Variants in PDGFD observed in about 807,000 individuals in gnomAD.
PDGFD encodes the protein platelet derived growth factor D.
In PDGFD, 30 loss-of-function variants were observed where a neutral mutation model predicts 44.7. The ratio of observed to expected loss-of-function variants is 0.67; its 90% CI spans 0.50 to 0.91. The LOEUF is 0.91. Among genes scored for constraint, PDGFD ranks in the 40% least tolerant of loss-of-function variants. The pLI is 0.00. For missense variants in PDGFD, 445 were observed against 457.8 expected (o/e 0.97, Z 0.25); for synonymous variants, 173 against 168.4 (o/e 1.03, Z -0.21).
intron 1 of PDGFD, among the ~76,000 whole-genome samples, chr11:104,159,870 C>T (rs112781981): frequency 1.8e-3 from 272 of 152,266 alleles, no homozygotes; most frequent in African/African-American, 5.9e-3. Flanking sequence ...CCTGGCTAAA[C>T]CCTGCTCTTT....
intron 1 of PDGFD, among the ~76,000 whole-genome samples, chr11:104,121,388 C>A (rs542850314): frequency 1.3e-5 from 2 of 152,016 alleles, no homozygotes; most frequent in East Asian, 3.9e-4. Flanking sequence ...AGAAGTGTAT[C>A]GTTTATCCAG....
chr11:103,949,519 C>T (rs1426737206), intron 3 of PDGFD, among the ~76,000 whole-genome samples: 2 of 152,158 alleles, frequency 1.3e-5, no homozygotes, highest in Non-Finnish European at 2.9e-5. Context: ...TTCTCCATTC[C>T]TTGATGAGAC....
intron 1 of PDGFD, among the ~76,000 whole-genome samples, chr11:104,153,329 C>T (rs545640327): frequency 1.3e-4 from 20 of 152,292 alleles, no homozygotes; most frequent in African/African-American, 4.8e-4. Flanking sequence ...CCTCATTGAG[C>T]TTCTCCAATG....
chr11:104,007,102 G>C (rs989961676), intron 1 of PDGFD, among the ~76,000 whole-genome samples: 4 of 152,198 alleles, frequency 2.6e-5, no homozygotes, highest in African/African-American at 9.6e-5. Context: ...TAAGGGGTTT[G>C]AGTGTGCATG....
chr11:103,988,501 AG>A (rs1425290200), intron 3 of PDGFD, among the ~76,000 whole-genome samples: 1 of 152,160 alleles, frequency 6.6e-6, no homozygotes, highest in African/African-American at 2.4e-5. Context: ...TGCTTGTGTC[AG>A]GACTAGTCAA....
intron 1 of PDGFD, among the ~76,000 whole-genome samples, chr11:104,004,424 G>A (rs1255923244): frequency 6.6e-6 from 1 of 152,082 alleles, no homozygotes; most frequent in Non-Finnish European, 1.5e-5. Context: ...GTTTCTAGAG[G>A]TGATTTCAAA....
chr11:104,056,219 T>C (rs1860614616), intron 1 of PDGFD, among the ~76,000 whole-genome samples: 1 of 152,208 alleles, frequency 6.6e-6, no homozygotes, highest in African/African-American at 2.4e-5. Context: ...CTTTTTTATA[T>C]TCTTTACATT....
At chr11:103,931,294 T>C (rs1351571853) in intron 5 of PDGFD, among the ~76,000 whole-genome samples, 1 of 152,184 alleles carries the variant, frequency 6.6e-6, no homozygotes. Context: ...TTTTTGTGAA[T>C]ACAAAAATTC....
intron 1 of PDGFD, among the ~76,000 whole-genome samples, chr11:104,076,361 T>C (rs969200820): frequency 1.3e-5 from 2 of 152,232 alleles, no homozygotes; most frequent in Non-Finnish European, 2.9e-5. Flanking sequence ...GTATTATTAT[T>C]ATCTAATGTG....
At chr11:104,122,973 C>CT (rs1478879762) in intron 1 of PDGFD, among the ~76,000 whole-genome samples, 1 of 152,080 alleles carries the variant, frequency 6.6e-6, no homozygotes, top group Non-Finnish European at 1.5e-5. Context: ...CTCCTATTCA[C>CT]TACACACAGC....
At chr11:103,963,640 G>A (rs557016356) in intron 3 of PDGFD, among the ~76,000 whole-genome samples, 3 of 152,208 alleles carry the variant, frequency 2.0e-5, no homozygotes, top group African/African-American at 4.8e-5. Flanking sequence ...CATGTGAAAT[G>A]GGAACAGGCA....
At chr11:103,961,017 C>G (rs956820743) in intron 3 of PDGFD, among the ~76,000 whole-genome samples, 28 of 152,194 alleles carry the variant, frequency 1.8e-4, no homozygotes, top group Admixed American at 3.9e-4. Context: ...GGAAAACCCT[C>G]ACATTCAATC....
chr11:104,007,438 CTCATA>C (rs1228143814), intron 1 of PDGFD, among the ~76,000 whole-genome samples: 3 of 152,146 alleles, frequency 2.0e-5, no homozygotes, highest in Non-Finnish European at 4.4e-5. Context: ...TGTTTTTCTT[CTCATA>C]TCATAATATT....
intron 1 of PDGFD, among the ~76,000 whole-genome samples, chr11:104,149,909 C>G (rs1370428849): frequency 6.6e-6 from 1 of 152,192 alleles, no homozygotes; most frequent in East Asian, 1.9e-4. Flanking sequence ...ATTCTAGGAC[C>G]TGCTGTATAT....
intron 1 of PDGFD, among the ~76,000 whole-genome samples, chr11:104,101,054 C>T (rs935202399): frequency 1.3e-5 from 2 of 152,096 alleles, no homozygotes; most frequent in East Asian, 1.9e-4. Context: ...GACAGGGATG[C>T]CCTCTCGCAC....
At chr11:104,061,850 C>T (rs544754751) in intron 1 of PDGFD, among the ~76,000 whole-genome samples, 3 of 152,194 alleles carry the variant, frequency 2.0e-5, no homozygotes, top group East Asian at 3.9e-4. Flanking sequence ...TCAAGTGATC[C>T]GCCCGCCTTG....
At position 103,934,486 on chromosome 11, in the gene PDGFD, A is replaced by C. The variant is rs140093740; in HGVS notation, c.773-7360T>G. On this transcript the variant is annotated intron_variant, in intron 5 of 6. Transcript: ENST00000393158. ...ACGTAACACTATCCTTTGCAAGTGT[A>C]TTAGTCCATTCTCATACTGAGATAA... Among the ~76,000 whole-genome samples, 20 of 152,336 alleles carry C rather than the reference A, an allele frequency of 1.3e-4. No individual in the cohort carries two copies. In the East Asian group the frequency reaches 3.9e-3, roughly 29 times the overall value.
At chr11:104,033,350 C>T (rs1338443210) in intron 1 of PDGFD, among the ~76,000 whole-genome samples, 1 of 152,012 alleles carries the variant, frequency 6.6e-6, no homozygotes, top group East Asian at 1.9e-4. Context: ...CCCTGCCAAC[C>T]CTGACATCCT....
chr11:104,047,132 G>A lies in PDGFD; in HGVS notation c.125-46877C>T, dbSNP rs552289047. On this transcript the variant is annotated intron_variant, in intron 1 of 6. Transcript: ENST00000393158. The stretch of plus-strand genomic sequence containing the variant: ...ATGTTTGCCACATTTTCTTCGTCCA[G>A]TCTATCATTGATGGGCATTTGGGTT... 8.8e-5 allele frequency among the ~76,000 whole-genome samples: 13 copies of A among 147,506 alleles called. 2 individuals carry two copies. In the South Asian group the frequency reaches 2.7e-3, roughly 31 times the overall value.
Sources: gnomAD v4.1 joint callset for allele counts (sites outside exome capture counted in the v4.1 genomes callset) on GRCh38, gnomAD v4.1.1 for gene constraint, MANE v1.5 for transcripts, NCBI Gene and HGNC (gene_info 2026-07-23, HGNC 2026-07-21) for gene names.